PTPRD: variants seen among roughly 807,000 people sequenced by gnomAD.
PTPRD encodes the protein receptor-type tyrosine-protein phosphatase delta.
In PTPRD, 34 loss-of-function variants were observed where a neutral mutation model predicts 214.5. The observed-to-expected ratio is 0.16, with a 90% confidence interval of 0.12 to 0.21. PTPRD has a LOEUF of 0.21. PTPRD is among the 10% of genes least tolerant of loss of function. The pLI is 1.00. For missense variants in PTPRD, 2,545 were observed against 2,398.7 expected (o/e 1.06, Z -1.27); for synonymous variants, 1,128 against 845.7 (o/e 1.33, Z -5.79).
chr9:9,829,782 C>G (rs980648718), intron 5 of PTPRD, among the ~76,000 whole-genome samples: 18 of 151,766 alleles, frequency 1.2e-4, no homozygotes, highest in Admixed American at 1.1e-3. Context: ...TTACTTTCAA[C>G]TATAGAAACC....
intron 2 of PTPRD, among the ~76,000 whole-genome samples, chr9:10,345,321 G>A (rs2097052151): frequency 1.3e-5 from 2 of 151,816 alleles, no homozygotes; most frequent in Admixed American, 1.3e-4. Flanking sequence ...TATATGGCAG[G>A]TTTGTTACAT....
chr9:8,501,743 T>A lies in PTPRD; in HGVS notation c.1823-684A>T, dbSNP rs111532658. 2.1e-3 allele frequency among the ~76,000 whole-genome samples: 324 copies of A among 152,272 alleles called. 4 individuals are homozygous for A. The highest frequency in any genetic ancestry group is 7.0e-3 in the African/African-American group (290 of 41,558). The stretch of plus-strand genomic sequence containing the variant: ...ATGCAGAATCAATAAAGGATGAAAA[T>A]GCAGAGTCCAAGATTTACCTACCCG... On this transcript the variant is annotated intron_variant, in intron 23 of 45. Transcript: ENST00000381196.
chr9:9,046,933 G>T (rs1436102325), intron 10 of PTPRD, among the ~76,000 whole-genome samples: 1 of 151,996 alleles, frequency 6.6e-6, no homozygotes, highest in African/African-American at 2.4e-5. Context: ...TCAGACAAGA[G>T]AAAGAAATAA....
chr9:9,203,378 C>T (rs926251698), intron 9 of PTPRD, among the ~76,000 whole-genome samples: 2 of 152,140 alleles, frequency 1.3e-5, no homozygotes, highest in Admixed American at 1.3e-4. Context: ...TAAAACCTTA[C>T]CCATTGAATT....
At chr9:9,226,498 T>C (rs759982222) in intron 9 of PTPRD, among the ~76,000 whole-genome samples, 3 of 151,892 alleles carry the variant, frequency 2.0e-5, no homozygotes, top group Non-Finnish European at 4.4e-5. Flanking sequence ...GTGAAGGGTA[T>C]GGGCAGAAGG....
At chr9:10,454,546 T>G (rs1278034275) in intron 2 of PTPRD, among the ~76,000 whole-genome samples, 1 of 151,676 alleles carries the variant, frequency 6.6e-6, no homozygotes, top group African/African-American at 2.4e-5. Context: ...TGCCTCCTAC[T>G]TTACTGAAAA....
chr9:9,825,673 G>A lies in PTPRD; in HGVS notation c.-367-58822C>T, dbSNP rs28376524. On this transcript the variant is annotated intron_variant, in intron 5 of 45. Coordinates refer to ENST00000381196, the MANE Select transcript of PTPRD (RefSeq NM_002839.4). ...AGGGAAAACTTAAAGAAACGATGGA[G>A]TACAATGATAACAGGTTTTCTGTGC... 2.6e-3 allele frequency among the ~76,000 whole-genome samples: 402 copies of A among 151,988 alleles called. 1 individual carries two copies. The highest frequency in any genetic ancestry group is 9.3e-3 in the African/African-American group (388 of 41,528).
chr9:9,636,835 T>C (rs1029306870), intron 7 of PTPRD, among the ~76,000 whole-genome samples: 1 of 152,206 alleles, frequency 6.6e-6, no homozygotes, highest in African/African-American at 2.4e-5. Flanking sequence ...CATAAATTTG[T>C]TTCTCATAGT....
intron 10 of PTPRD, among the ~76,000 whole-genome samples, chr9:9,147,164 T>A (rs1036078794): frequency 3.3e-5 from 5 of 151,986 alleles, no homozygotes; most frequent in Admixed American, 6.6e-5. Context: ...GGTTTACCAA[T>A]CTGAGAAGTA....
intron 5 of PTPRD, among the ~76,000 whole-genome samples, chr9:9,796,931 T>C (rs1405235866): frequency 2.0e-5 from 3 of 152,188 alleles, no homozygotes; most frequent in Non-Finnish European, 2.9e-5. Flanking sequence ...GCCATAAACT[T>C]ATTCATCATC....
intron 8 of PTPRD, among the ~76,000 whole-genome samples, chr9:9,552,911 C>T (rs764420203): frequency 6.6e-6 from 1 of 152,066 alleles, no homozygotes; most frequent in Non-Finnish European, 1.5e-5. Flanking sequence ...ACAAGCTCTA[C>T]TGACAGTGCT....
At chr9:9,788,373 A>C (rs1267559505) in intron 5 of PTPRD, among the ~76,000 whole-genome samples, 1 of 151,260 alleles carries the variant, frequency 6.6e-6, no homozygotes, top group East Asian at 2.0e-4. Context: ...AACACGGTGA[A>C]ACCCCGTCCC....
intron 9 of PTPRD, among the ~76,000 whole-genome samples, chr9:9,220,711 C>T (rs1269965439): frequency 1.3e-5 from 2 of 152,156 alleles, no homozygotes; most frequent in East Asian, 3.9e-4. Flanking sequence ...TTGACATATA[C>T]TGTAAAATGT....
intron 11 of PTPRD, among the ~76,000 whole-genome samples, chr9:8,753,702 T>A (rs1003156477): frequency 6.6e-6 from 1 of 152,214 alleles, no homozygotes; most frequent in African/African-American, 2.4e-5. Context: ...TTCTTAAATG[T>A]GCTATTTATA....
At chr9:8,542,044 A>C (rs2078579366) in intron 14 of PTPRD, among the ~76,000 whole-genome samples, 1 of 152,156 alleles carries the variant, frequency 6.6e-6, no homozygotes, top group South Asian at 2.1e-4. Flanking sequence ...CATCCACATA[A>C]ATTCTAAAAC....
At chr9:9,350,134 A>C (rs917400191) in intron 9 of PTPRD, among the ~76,000 whole-genome samples, 1 of 152,038 alleles carries the variant, frequency 6.6e-6, no homozygotes, top group Non-Finnish European at 1.5e-5. Context: ...CTTCCTTAGG[A>C]TAATCTGTGA....
intron 10 of PTPRD, among the ~76,000 whole-genome samples, chr9:9,057,584 G>C (rs1234046109): frequency 6.7e-6 from 1 of 149,406 alleles, no homozygotes; most frequent in East Asian, 1.9e-4. Context: ...AAAGGATTCA[G>C]AGAGAAAGTT....
intron 11 of PTPRD, among the ~76,000 whole-genome samples, chr9:8,895,002 T>C (rs551824503): frequency 3.3e-4 from 51 of 152,356 alleles, no homozygotes; most frequent in African/African-American, 1.2e-3. Flanking sequence ...AATGCAGTGC[T>C]GTCTTTTGCA....
At chr9:8,580,292 T>C (rs1369521126) in intron 14 of PTPRD, among the ~76,000 whole-genome samples, 1 of 152,164 alleles carries the variant, frequency 6.6e-6, no homozygotes, top group Non-Finnish European at 1.5e-5. Flanking sequence ...TCCGAAATGA[T>C]ACATGACTCT....
Sources: gnomAD v4.1 joint callset for allele counts (sites outside exome capture counted in the v4.1 genomes callset) on GRCh38, gnomAD v4.1.1 for gene constraint, MANE v1.5 for transcripts, NCBI Gene and HGNC (gene_info 2026-07-23, HGNC 2026-07-21) for gene names.